Variants in NELL1 observed in about 807,000 individuals in gnomAD.
NELL1 encodes the protein neural EGFL like 1.
Under a neutral mutation model 107.4 loss-of-function variants are expected in NELL1, and 76 were observed. That is an observed-to-expected ratio of 0.71 (90% CI 0.59 to 0.86). The LOEUF (loss-of-function observed/expected upper bound fraction) is 0.86. Among genes scored for constraint, NELL1 ranks in the 40% least tolerant of loss-of-function variants. NELL1 has a pLI of 0.00. For missense variants in NELL1, 1,024 were observed against 1,005.5 expected (o/e 1.02, Z -0.25); for synonymous variants, 353 against 341.2 (o/e 1.03, Z -0.38).
intron 15 of NELL1, among the ~76,000 whole-genome samples, chr11:21,461,249 G>A (rs898351145): frequency 6.6e-6 from 1 of 152,104 alleles, no homozygotes; most frequent in Non-Finnish European, 1.5e-5. Context: ...AATGAGGACT[G>A]GGTAGAGGCA....
intron 12 of NELL1, among the ~76,000 whole-genome samples, chr11:21,085,111 G>A (rs1590622017): frequency 6.6e-6 from 1 of 152,000 alleles, no homozygotes; most frequent in African/African-American, 2.4e-5. Flanking sequence ...TTATTTCTGT[G>A]TTTACATGTT....
At chr11:20,937,486 C>G (rs187402582) in intron 9 of NELL1, among the ~76,000 whole-genome samples, 1 of 152,350 alleles carries the variant, frequency 6.6e-6, no homozygotes, top group Admixed American at 6.5e-5. Context: ...GCCACCAGTT[C>G]TTTCTTGTTT....
chr11:21,503,297 GCTAT>G (rs1190701630), intron 15 of NELL1, among the ~76,000 whole-genome samples: 1 of 152,198 alleles, frequency 6.6e-6, no homozygotes, highest in East Asian at 1.9e-4. Context: ...TCAGTGTTAT[GCTAT>G]CTGTTAAAAG....
Position 21,111,754 on chromosome 11 carries a change from A to T in NELL1, c.1301-1835A>T, listed in dbSNP as rs531646723. Among the ~76,000 whole-genome samples, 3 of 152,204 alleles carry T rather than the reference A, an allele frequency of 2.0e-5. No homozygotes were observed. In the South Asian group the frequency reaches 6.2e-4, roughly 32 times the overall value. On this transcript the variant is annotated intron_variant, in intron 12 of 19. Coordinates refer to ENST00000357134, the MANE Select transcript of NELL1 (RefSeq NM_006157.5). The stretch of plus-strand genomic sequence containing the variant: ...TGAGATTAATTTAAACCATGCTTAA[A>T]TTTGAAAAGGATGGGGAAATACAAT...
chr11:21,567,031 T>G (rs1253336482), intron 17 of NELL1, among the ~76,000 whole-genome samples: 1 of 151,836 alleles, frequency 6.6e-6, no homozygotes, highest in Non-Finnish European at 1.5e-5. Flanking sequence ...GGAAGAAAAC[T>G]GACATTCTTA....
At chr11:21,160,994 C>T (rs1393852993) in intron 13 of NELL1, among the ~76,000 whole-genome samples, 2 of 121,026 alleles carry the variant, frequency 1.7e-5, no homozygotes, top group African/African-American at 6.2e-5. Flanking sequence ...CTCTTGCTAG[C>T]CTTTATACAC....
At chr11:21,227,072 TA>T (rs1485171748) in intron 13 of NELL1, among the ~76,000 whole-genome samples, 1 of 152,242 alleles carries the variant, frequency 6.6e-6, no homozygotes, top group African/African-American at 2.4e-5. Flanking sequence ...CACAGAACCA[TA>T]CCTTTCTCCA....
intron 12 of NELL1, among the ~76,000 whole-genome samples, chr11:21,014,886 T>C (rs921587983): frequency 2.0e-5 from 3 of 152,266 alleles, no homozygotes; most frequent in African/African-American, 7.2e-5. Context: ...ATGATGAACC[T>C]CTTAAAGTAC....
At chr11:21,329,177 G>A (rs1850215669) in intron 14 of NELL1, among the ~76,000 whole-genome samples, 1 of 152,112 alleles carries the variant, frequency 6.6e-6, no homozygotes, top group Non-Finnish European at 1.5e-5. Context: ...ATCTCCACAT[G>A]TTGTAAGAGG....
intron 16 of NELL1, among the ~76,000 whole-genome samples, chr11:21,551,091 C>T (rs1469363187): frequency 4.6e-5 from 7 of 151,150 alleles, no homozygotes; most frequent in African/African-American, 1.7e-4. Flanking sequence ...GTATTTTATT[C>T]TCTTTGAAGC....
chr11:21,401,364 A>G (rs1304894782), intron 15 of NELL1, among the ~76,000 whole-genome samples: 2 of 151,860 alleles, frequency 1.3e-5, no homozygotes, highest in Admixed American at 6.6e-5. Flanking sequence ...TTTATTTGTT[A>G]CTTTGAGAAA....
At position 20,949,825 on chromosome 11, in the gene NELL1, A is replaced by G. The variant is rs941975090; in HGVS notation, c.1171+2390A>G. On this transcript the variant is annotated intron_variant, in intron 11 of 19. Transcript: ENST00000357134. ...GAGGGAAGAGTGGGAGGCAGGAGGAAGACTTCATAGATTTGATCTTAGGCA... is the reference window on the plus strand; with the variant it reads ...GAGGGAAGAGTGGGAGGCAGGAGGAGGACTTCATAGATTTGATCTTAGGCA... 2.0e-5 allele frequency among the ~76,000 whole-genome samples: 3 copies of G among 152,194 alleles called. No individual in the cohort carries two copies. In the East Asian group the frequency reaches 5.8e-4, roughly 29 times the overall value.
chr11:21,091,400 C>T (rs1363820764), intron 12 of NELL1, among the ~76,000 whole-genome samples: 1 of 152,088 alleles, frequency 6.6e-6, no homozygotes, highest in African/African-American at 2.4e-5. Flanking sequence ...AAGCCAACAG[C>T]GAATGCATGG....
At chr11:21,215,502 G>A (rs892701130) in intron 13 of NELL1, among the ~76,000 whole-genome samples, 2 of 152,174 alleles carry the variant, frequency 1.3e-5, no homozygotes, top group South Asian at 4.1e-4. Context: ...GAACAGTTTA[G>A]AGGGCTTAGA....
intron 14 of NELL1, among the ~76,000 whole-genome samples, chr11:21,246,703 T>C (rs1858501332): frequency 6.6e-6 from 1 of 152,210 alleles, no homozygotes; most frequent in Non-Finnish European, 1.5e-5. Context: ...TGTATTAGTC[T>C]GTTTTCATGC....
intron 1 of NELL1, among the ~76,000 whole-genome samples, chr11:20,673,550 C>T (rs767279414): frequency 1.3e-5 from 2 of 152,122 alleles, no homozygotes; most frequent in Non-Finnish European, 1.5e-5. Context: ...GCTGTGGGCC[C>T]GAGCATTCCC....
chr11:21,003,551 A>G (rs1852268855), intron 12 of NELL1, among the ~76,000 whole-genome samples: 1 of 152,130 alleles, frequency 6.6e-6, no homozygotes, highest in Non-Finnish European at 1.5e-5. Flanking sequence ...TGTCTTGCCC[A>G]TAGTCATGGG....
intron 12 of NELL1, among the ~76,000 whole-genome samples, chr11:21,048,438 G>A (rs1853409707): frequency 6.6e-6 from 1 of 152,072 alleles, no homozygotes; most frequent in African/African-American, 2.4e-5. Context: ...TAATTATGAT[G>A]ATCTGTCTCT....
At chr11:21,120,724 A>G (rs114432682) in intron 13 of NELL1, among the ~76,000 whole-genome samples, 1,558 of 152,262 alleles carry the variant, frequency 0.01, 28 homozygotes, top group African/African-American at 0.035. Context: ...TTTGCTTGTT[A>G]AAGATAACCA....
Sources: allele counts gnomAD v4.1 joint callset (sites outside exome capture counted in the v4.1 genomes callset), GRCh38; gene constraint gnomAD v4.1.1; transcripts MANE v1.5; gene names NCBI Gene and HGNC (gene_info 2026-07-23, HGNC 2026-07-21).